The following UST variants were observed in gnomAD, a reference collection of about 807,000 sequenced individuals.
The protein encoded by UST is uronyl 2-sulfotransferase, also known as chondroitin sulfate 2-O-sulfotransferase.
In UST, 21 loss-of-function variants were observed where a neutral mutation model predicts 45.6. That is an observed-to-expected ratio of 0.46 (90% CI 0.33 to 0.66). The LOEUF is 0.66. UST is among the 30% of genes least tolerant of loss of function. The pLI is 0.02. For missense variants in UST, 463 were observed against 512.4 expected, an observed-to-expected ratio of 0.90 and a Z score of 0.93; for synonymous variants, 215 against 200.6, an observed-to-expected ratio of 1.07 and a Z score of -0.61.
At chr6:148,933,185 T>G (rs1443198212) in intron 2 of UST, among the ~76,000 whole-genome samples, 2 of 152,214 alleles carry the variant, frequency 1.3e-5, no homozygotes, top group Admixed American at 1.3e-4. Context: ...GTAGATTTTC[T>G]TATAGTTTTA....
rs754976313 is a variant in UST at position 148,912,090 on chromosome 6, G to A, written c.291+25061G>A. 4.7e-4 allele frequency among the ~76,000 whole-genome samples: 72 copies of A among 152,182 alleles called. 1 individual carries two copies. Among genetic ancestry groups the A allele is most frequent in the Middle Eastern group, 3.2e-3 (1 of 316 alleles). ...TGAGCACCTGTAATCCCAGCTACTCGGGAGGCCGAGGCAGGAGAATCGTCT... is the reference window on the plus strand; with the variant it reads ...TGAGCACCTGTAATCCCAGCTACTCAGGAGGCCGAGGCAGGAGAATCGTCT... On this transcript the variant is annotated intron_variant, in intron 2 of 7. Coordinates refer to ENST00000367463, the MANE Select transcript of UST (RefSeq NM_005715.3).
At chr6:148,750,159 T>A (rs1256827816) in intron 1 of UST, among the ~76,000 whole-genome samples, 2 of 152,206 alleles carry the variant, frequency 1.3e-5, no homozygotes, top group African/African-American at 4.8e-5. Context: ...AAAGTAAAAA[T>A]TTTCCAAATC....
intron 2 of UST, among the ~76,000 whole-genome samples, chr6:148,893,217 TA>T (rs1779052993): frequency 6.6e-6 from 1 of 152,212 alleles, no homozygotes; most frequent in Non-Finnish European, 1.5e-5. Context: ...AATTCCGTTG[TA>T]AAATGGGTTC....
At chr6:148,777,120 G>C (rs952023749) in intron 1 of UST, among the ~76,000 whole-genome samples, 1 of 152,174 alleles carries the variant, frequency 6.6e-6, no homozygotes, top group Non-Finnish European at 1.5e-5. Flanking sequence ...TCCTCTCCTG[G>C]AGACAGGAGC....
chr6:148,975,188 G>A (rs1257909047), intron 5 of UST, among the ~76,000 whole-genome samples: 1 of 152,064 alleles, frequency 6.6e-6, no homozygotes, highest in Non-Finnish European at 1.5e-5. Context: ...TATTTCTCTT[G>A]GTAACTATTA....
chr6:148,886,190 C>G (rs561459117), intron 1 of UST, among the ~76,000 whole-genome samples: 1 of 152,336 alleles, frequency 6.6e-6, no homozygotes, highest in Non-Finnish European at 1.5e-5. Flanking sequence ...AGTCTTCTCT[C>G]CTCTCTGCAG....
Position 149,058,345 on chromosome 6 carries a change from ATGTGTGTGTGTGTGTGTGTG to A in UST, c.938-15464_938-15445del, listed in dbSNP as rs56994081. ...GCCTCCTCCCTGCCAAAGGAGGAGC[ATGTGTGTGTGTGTGTGTGTG>A]TGTGTGTGTGTGTGTGTGTGTGTAT... On this transcript the variant is annotated intron_variant, in intron 7 of 7. Transcript: ENST00000367463. 7.1e-3 allele frequency among the ~76,000 whole-genome samples: 853 copies of A among 119,814 alleles called. 6 individuals are homozygous for A. The highest frequency in any genetic ancestry group is 0.022 in the African/African-American group (752 of 33,938). 78.6% of individuals were successfully genotyped at this position (119,814 alleles called of 152,430 possible).
At chr6:148,901,549 G>A (rs1398101255) in intron 2 of UST, among the ~76,000 whole-genome samples, 4 of 147,434 alleles carry the variant, frequency 2.7e-5, no homozygotes, top group African/African-American at 7.5e-5. Context: ...GAAGTGACCC[G>A]TGTCACTTTT....
At chr6:148,830,732 C>G (rs934115833) in intron 1 of UST, among the ~76,000 whole-genome samples, 3 of 152,178 alleles carry the variant, frequency 2.0e-5, no homozygotes, top group Non-Finnish European at 4.4e-5. Flanking sequence ...TATGATTCCA[C>G]TCATTTGAAG....
intron 1 of UST, among the ~76,000 whole-genome samples, chr6:148,880,560 G>A (rs1029157469): frequency 6.6e-6 from 1 of 152,198 alleles, no homozygotes; most frequent in East Asian, 1.9e-4. Context: ...ACTAACTCCT[G>A]TGTACTTGGA....
chr6:149,007,655 C>G (rs554356760), intron 5 of UST, among the ~76,000 whole-genome samples: 1 of 151,372 alleles, frequency 6.6e-6, no homozygotes, highest in East Asian at 2.0e-4. Context: ...AACTCCTGAC[C>G]TCAGGTGATC....
intron 2 of UST, among the ~76,000 whole-genome samples, chr6:148,895,564 A>G (rs1331439816): frequency 1.3e-5 from 2 of 152,218 alleles, no homozygotes; most frequent in Non-Finnish European, 1.5e-5. Context: ...CTTGAATTGT[A>G]GCTCCCATAA....
At chr6:149,026,744 G>A (rs979315213) in intron 7 of UST, among the ~76,000 whole-genome samples, 59 of 152,070 alleles carry the variant, frequency 3.9e-4, no homozygotes, top group South Asian at 2.1e-4. Context: ...CCTTCCTAGC[G>A]ACTTGAAAAC....
intron 1 of UST, among the ~76,000 whole-genome samples, chr6:148,873,330 C>T (rs1778593369): frequency 6.6e-6 from 1 of 152,070 alleles, no homozygotes; most frequent in African/African-American, 2.4e-5. Context: ...ATGGGGGCCC[C>T]CATCTCACTT....
intron 1 of UST, among the ~76,000 whole-genome samples, chr6:148,791,991 C>T (rs1738583375): frequency 6.6e-6 from 1 of 152,114 alleles, no homozygotes; most frequent in South Asian, 2.1e-4. Flanking sequence ...ATCTAATTAC[C>T]TTTGGTTCTG....
Position 148,784,839 on chromosome 6 carries a change from G to A in UST, c.247+37162G>A, listed in dbSNP as rs142844976. ...CAAGGCACTTTGAAATGTCTTATCA[G>A]TGGACATGAAGTATAGAAGACTTAG... On this transcript the variant is annotated intron_variant, in intron 1 of 7. Transcript: ENST00000367463. Among the ~76,000 whole-genome samples, 357 of 152,348 alleles carry A rather than the reference G, an allele frequency of 2.3e-3. 2 individuals carry two copies. Among genetic ancestry groups the A allele is most frequent in the African/African-American group, 8.4e-3 (349 of 41,582 alleles).
intron 2 of UST, among the ~76,000 whole-genome samples, chr6:148,919,330 G>T (rs2114892458): frequency 6.6e-6 from 1 of 152,232 alleles, no homozygotes; most frequent in Admixed American, 6.5e-5. Flanking sequence ...CCCACTACCT[G>T]CTCCAGCCCA....
chr6:148,854,436 A>T (rs1172492177), intron 1 of UST, among the ~76,000 whole-genome samples: 2 of 152,250 alleles, frequency 1.3e-5, no homozygotes, highest in African/African-American at 4.8e-5. Flanking sequence ...CTCCTTTTAT[A>T]GAACTGAAAA....
chr6:149,063,709 C>T lies in UST; in HGVS notation c.938-10124C>T, dbSNP rs755713226. ...CCTTCCTTGAATCTGACAGCACCCTCGTCCTTCTGATGGTTTCTTTTGTTC... is the reference window on the plus strand; with the variant it reads ...CCTTCCTTGAATCTGACAGCACCCTTGTCCTTCTGATGGTTTCTTTTGTTC... On this transcript the variant is annotated intron_variant, in intron 7 of 7. Transcript: ENST00000367463. 5.3e-5 allele frequency among the ~76,000 whole-genome samples: 8 copies of T among 152,328 alleles called. No individual in the cohort carries two copies. In the South Asian group the frequency reaches 1.7e-3, roughly 32 times the overall value.
Sources: gnomAD v4.1 joint callset for allele counts (sites outside exome capture counted in the v4.1 genomes callset) on GRCh38, gnomAD v4.1.1 for gene constraint, MANE v1.5 for transcripts, NCBI Gene and HGNC (gene_info 2026-07-23, HGNC 2026-07-21) for gene names.